The following CSMD3 variants were observed in gnomAD, a reference collection of about 807,000 sequenced individuals.
The protein encoded by CSMD3 is CUB and sushi domain-containing protein 3.
Under a neutral mutation model 435.2 loss-of-function variants are expected in CSMD3, and 177 were observed. That is an observed-to-expected ratio of 0.41 (90% CI 0.36 to 0.46). The LOEUF (loss-of-function observed/expected upper bound fraction) is 0.46. CSMD3 is among the 20% of genes least tolerant of loss of function. The pLI is 0.34. For missense variants in CSMD3, 4,265 were observed against 4,504.6 expected (o/e 0.95, Z 1.52); for synonymous variants, 1,656 against 1,520.5 (o/e 1.09, Z -2.07).
intron 1 of CSMD3, among the ~76,000 whole-genome samples, chr8:113,434,388 A>C (rs768975340): frequency 1.8e-4 from 27 of 152,222 alleles, no homozygotes; most frequent in Admixed American, 2.6e-4. Context: ...AAGGCATTGC[A>C]TCAATCTTGG....
At chr8:112,879,225 G>A (rs1159028094) in intron 10 of CSMD3, among the ~76,000 whole-genome samples, 11 of 152,222 alleles carry the variant, frequency 7.2e-5, no homozygotes. Flanking sequence ...TTCCCAGGAG[G>A]AAGCCTCTAA....
intron 13 of CSMD3, among the ~76,000 whole-genome samples, chr8:112,755,330 C>CT: frequency 1.4e-5 from 1 of 70,432 alleles, no homozygotes; most frequent in Non-Finnish European, 3.0e-5. Context: ...GACTCCGTCT[C>CT]AAATAATAAT....
chr8:112,476,757 T>A (rs1819092061), intron 31 of CSMD3, among the ~76,000 whole-genome samples: 1 of 152,196 alleles, frequency 6.6e-6, no homozygotes, highest in African/African-American at 2.4e-5. Flanking sequence ...CTAGATTTGC[T>A]CTCCCTGACT....
intron 10 of CSMD3, among the ~76,000 whole-genome samples, chr8:112,875,052 G>A (rs1028520154): frequency 6.6e-6 from 1 of 152,150 alleles, no homozygotes; most frequent in African/African-American, 2.4e-5. Flanking sequence ...GCAGTGGCTG[G>A]TACTGGTTTT....
At chr8:112,880,991 G>A (rs952396822) in intron 10 of CSMD3, among the ~76,000 whole-genome samples, 4 of 151,880 alleles carry the variant, frequency 2.6e-5, no homozygotes, top group African/African-American at 7.3e-5. Flanking sequence ...TGTACAACAT[G>A]GTTTGAAATA....
chr8:112,444,170 T>C lies in CSMD3; in HGVS notation c.5395+28421A>G, dbSNP rs549475494. 2.6e-5 allele frequency among the ~76,000 whole-genome samples: 4 copies of C among 152,278 alleles called. No individual in the cohort carries two copies. In the East Asian group the frequency reaches 7.7e-4, roughly 29 times the overall value. The stretch of plus-strand genomic sequence containing the variant: ...AAATGAAGTGTAAGGACAGGTAACA[T>C]CTGGTTTACCAAACAGAATGGCTGA... On this transcript the variant is annotated intron_variant, in intron 32 of 70. Coordinates refer to ENST00000297405, the MANE Select transcript of CSMD3 (RefSeq NM_198123.2).
chr8:112,475,635 A>G (rs1818970857), intron 31 of CSMD3, among the ~76,000 whole-genome samples: 1 of 151,504 alleles, frequency 6.6e-6, no homozygotes, highest in Non-Finnish European at 1.5e-5. Context: ...GGTTTTGGGC[A>G]TTACTGTTAA....
At chr8:112,881,176 G>T (rs2511524) in intron 10 of CSMD3, among the ~76,000 whole-genome samples, 121,242 of 151,936 alleles carry the variant, frequency 0.8, 49,166 homozygotes, top group East Asian at 0.93. Flanking sequence ...GAGACAAACA[G>T]GAAACAACCC....
At chr8:112,784,421 G>C (rs1483657915) in intron 13 of CSMD3, among the ~76,000 whole-genome samples, 3 of 151,664 alleles carry the variant, frequency 2.0e-5, no homozygotes, top group Non-Finnish European at 4.4e-5. Context: ...AAACAATAGA[G>C]ATCAGAGCAG....
intron 1 of CSMD3, among the ~76,000 whole-genome samples, chr8:113,331,870 G>C (rs1427583536): frequency 1.3e-5 from 2 of 151,698 alleles, no homozygotes; most frequent in Non-Finnish European, 3.0e-5. Context: ...CTCAGGAACA[G>C]AACGAGGATA....
rs181834326 is a variant in CSMD3, at chr8:112,931,178, C to G, written c.1509-9427G>C. 6.2e-3 allele frequency among the ~76,000 whole-genome samples: 941 copies of G among 152,056 alleles called. 7 individuals are homozygous for G. The highest frequency in any genetic ancestry group is 0.02 in the African/African-American group (840 of 41,524). On this transcript the variant is annotated intron_variant, in intron 9 of 70. Coordinates refer to ENST00000297405, the MANE Select transcript of CSMD3 (RefSeq NM_198123.2). ...TCATTTTTTTTATGTTGCTATGCCTCTTTCATGAATAAAATGTGAACTTAG... is the reference window on the plus strand; with the variant it reads ...TCATTTTTTTTATGTTGCTATGCCTGTTTCATGAATAAAATGTGAACTTAG...
At chr8:112,460,907 C>A (rs1817384467) in intron 32 of CSMD3, among the ~76,000 whole-genome samples, 1 of 152,116 alleles carries the variant, frequency 6.6e-6, no homozygotes, top group Non-Finnish European at 1.5e-5. Context: ...AACTCAGAGA[C>A]TGGAATCACA....
chr8:113,196,852 C>T (rs962602474), intron 3 of CSMD3, among the ~76,000 whole-genome samples: 1 of 151,180 alleles, frequency 6.6e-6, no homozygotes, highest in Non-Finnish European at 1.5e-5. Flanking sequence ...TTATTTCTTA[C>T]TCTACTGGTT....
At chr8:112,274,601 T>C (rs1425302432) in intron 59 of CSMD3, among the ~76,000 whole-genome samples, 1 of 152,180 alleles carries the variant, frequency 6.6e-6, no homozygotes, top group Admixed American at 6.5e-5. Context: ...AAAGATGAGA[T>C]GTAACAATAT....
chr8:112,938,886 C>T (rs771762939), intron 9 of CSMD3, among the ~76,000 whole-genome samples: 2 of 151,920 alleles, frequency 1.3e-5, no homozygotes, highest in African/African-American at 2.4e-5. Context: ...TTTATTACTG[C>T]TAAGTATAGG....
At chr8:112,272,903 A>G (rs1312020391) in intron 59 of CSMD3, among the ~76,000 whole-genome samples, 1 of 152,064 alleles carries the variant, frequency 6.6e-6, no homozygotes, top group African/African-American at 2.4e-5. Context: ...TGGATTGTTA[A>G]TGGGGTGTTA....
chr8:113,426,140 C>G (rs2094634693), intron 1 of CSMD3, among the ~76,000 whole-genome samples: 1 of 151,348 alleles, frequency 6.6e-6, no homozygotes, highest in Non-Finnish European at 1.5e-5. Flanking sequence ...CTTGCATATG[C>G]AGCCTTTAGC....
At chr8:113,271,458 G>A (rs2093526008) in intron 3 of CSMD3, among the ~76,000 whole-genome samples, 1 of 152,084 alleles carries the variant, frequency 6.6e-6, no homozygotes, top group Non-Finnish European at 1.5e-5. Context: ...TTGCTAAAAG[G>A]GGCCAAGGTA....
At chr8:112,923,078 T>A (rs922564679) in intron 9 of CSMD3, among the ~76,000 whole-genome samples, 2 of 152,100 alleles carry the variant, frequency 1.3e-5, no homozygotes, top group African/African-American at 4.8e-5. Flanking sequence ...ACATTAGAAA[T>A]CCAGAATCTA....
Sources: gnomAD v4.1 joint callset for allele counts (sites outside exome capture counted in the v4.1 genomes callset) on GRCh38, gnomAD v4.1.1 for gene constraint, MANE v1.5 for transcripts, NCBI Gene and HGNC (gene_info 2026-07-23, HGNC 2026-07-21) for gene names.